The following RGS7 variants were observed in gnomAD, a reference collection of about 807,000 sequenced individuals.
RGS7 encodes regulator of G protein signaling 7.
In RGS7, 27 loss-of-function variants were observed where a neutral mutation model predicts 81.1. The ratio of observed to expected loss-of-function variants is 0.33; its 90% CI spans 0.25 to 0.46. RGS7 has a LOEUF of 0.46. RGS7 is among the 20% of genes least tolerant of loss of function. RGS7 has a pLI of 1.00. For missense variants in RGS7, 396 were observed against 607.4 expected (o/e 0.65, Z 3.66); for synonymous variants, 208 against 207.7 (o/e 1.00, Z -0.01).
intron 10 of RGS7, among the ~76,000 whole-genome samples, chr1:240,819,863 A>G (rs1047730011): frequency 6.6e-6 from 1 of 152,196 alleles, no homozygotes; most frequent in Non-Finnish European, 1.5e-5. Flanking sequence ...CAGAGTTTCC[A>G]TTTCTTGTCT....
At chr1:240,964,679 C>T (rs12240236) in intron 4 of RGS7, among the ~76,000 whole-genome samples, 3,865 of 152,188 alleles carry the variant, frequency 0.025, 124 homozygotes, top group African/African-American at 0.077. Flanking sequence ...ATTTATTAAA[C>T]GCATCACAGT....
chr1:240,802,503 T>C (rs1223130305), intron 16 of RGS7, among the ~76,000 whole-genome samples: 1 of 152,180 alleles, frequency 6.6e-6, no homozygotes, highest in African/African-American at 2.4e-5. Context: ...CTTTCAGTTA[T>C]GAGGCCTGTG....
chr1:240,935,183 C>G (rs1238290614), intron 5 of RGS7, among the ~76,000 whole-genome samples: 1 of 152,042 alleles, frequency 6.6e-6, no homozygotes, highest in African/African-American at 2.4e-5. Context: ...CAGGCATGAG[C>G]CACTGTGCCC....
At chr1:240,816,665 G>A (rs1690853614) in intron 10 of RGS7, among the ~76,000 whole-genome samples, 1 of 152,176 alleles carries the variant, frequency 6.6e-6, no homozygotes, top group Non-Finnish European at 1.5e-5. Flanking sequence ...AGAGAGCAAG[G>A]TGCATGTGAT....
At chr1:241,110,596 A>T (rs956165041) in intron 2 of RGS7, among the ~76,000 whole-genome samples, 6 of 152,104 alleles carry the variant, frequency 3.9e-5, no homozygotes, top group Admixed American at 3.9e-4. Context: ...AAAAAAGTCA[A>T]AGGGCTCTTG....
At chr1:241,344,470 A>G (rs1432142862) in intron 2 of RGS7, among the ~76,000 whole-genome samples, 1 of 152,236 alleles carries the variant, frequency 6.6e-6, no homozygotes, top group Non-Finnish European at 1.5e-5. Context: ...CAAGCTTTAC[A>G]TGCACTGTTC....
chr1:240,990,357 G>A (rs1572148955), intron 3 of RGS7, among the ~76,000 whole-genome samples: 2 of 152,226 alleles, frequency 1.3e-5, no homozygotes, highest in South Asian at 2.1e-4. Context: ...TGAATGAAAC[G>A]AATATGTTAT....
At chr1:240,817,394 G>T (rs1259561211) in intron 10 of RGS7, among the ~76,000 whole-genome samples, 4 of 152,144 alleles carry the variant, frequency 2.6e-5, no homozygotes, top group African/African-American at 4.8e-5. Flanking sequence ...AATTAGATGA[G>T]GTTAGATCCA....
intron 3 of RGS7, among the ~76,000 whole-genome samples, chr1:241,081,754 T>C (rs2063146455): frequency 6.6e-6 from 1 of 152,208 alleles, no homozygotes; most frequent in Admixed American, 6.6e-5. Flanking sequence ...GGCACAGTGA[T>C]ATATGTTGCA....
intron 18 of RGS7, among the ~76,000 whole-genome samples, chr1:240,799,951 GGAA>G (rs1687765209): frequency 6.6e-6 from 1 of 152,098 alleles, no homozygotes; most frequent in South Asian, 2.1e-4. Flanking sequence ...ATATGATGTT[GGAA>G]GAAGGACAAC....
chr1:241,343,921 T>C (rs1378247733), intron 2 of RGS7, among the ~76,000 whole-genome samples: 2 of 152,128 alleles, frequency 1.3e-5, no homozygotes, highest in Non-Finnish European at 2.9e-5. Flanking sequence ...TTTGTGTAAA[T>C]ATGAAAAGAA....
At chr1:240,978,586 G>A (rs1399755524) in intron 4 of RGS7, among the ~76,000 whole-genome samples, 1 of 152,062 alleles carries the variant, frequency 6.6e-6, no homozygotes, top group Non-Finnish European at 1.5e-5. Flanking sequence ...AACTTAATCT[G>A]GAAGAGAGAA....
chr1:241,331,157 A>G (rs2081953963), intron 2 of RGS7, among the ~76,000 whole-genome samples: 1 of 152,208 alleles, frequency 6.6e-6, no homozygotes, highest in African/African-American at 2.4e-5. Flanking sequence ...AAAATGGAAG[A>G]AAGTCTAATT....
chr1:240,890,220 T>C (rs1476529251), intron 6 of RGS7, among the ~76,000 whole-genome samples: 1 of 152,178 alleles, frequency 6.6e-6, no homozygotes, highest in Non-Finnish European at 1.5e-5. Flanking sequence ...TGGCGCAATC[T>C]CGGCTCACTG....
rs2073235374 is a variant in RGS7, at chr1:241,198,317, A to T, written c.79-99555T>A. Among the ~76,000 whole-genome samples the T allele has an allele frequency of 2.6e-5, 4 of 152,168 alleles. No homozygotes were observed. The South Asian group carries it at 8.3e-4, about 32-fold the overall frequency. ...CAAAGAGCAAATTAAATGCAAATAA[A>T]GTGAAAACTAGAAAACAATAAAAAA... is the stretch of plus-strand genomic sequence containing the variant. On this transcript the variant is annotated intron_variant, in intron 2 of 18. Coordinates refer to ENST00000440928, the MANE Select transcript of RGS7 (RefSeq NM_001364886.1).
chr1:241,255,235 G>A (rs1326294002), intron 2 of RGS7, among the ~76,000 whole-genome samples: 1 of 152,148 alleles, frequency 6.6e-6, no homozygotes. Flanking sequence ...CCTAATTTAT[G>A]AGGTATAAAT....
intron 2 of RGS7, among the ~76,000 whole-genome samples, chr1:241,209,249 G>A (rs2074104995): frequency 6.6e-6 from 1 of 152,148 alleles, no homozygotes; most frequent in Non-Finnish European, 1.5e-5. Context: ...TTATCTATGT[G>A]TGATAACGCT....
At chr1:241,180,306 C>T (rs1281649749) in intron 2 of RGS7, among the ~76,000 whole-genome samples, 1 of 151,884 alleles carries the variant, frequency 6.6e-6, no homozygotes, top group Non-Finnish European at 1.5e-5. Context: ...ACCCGGGAGG[C>T]GGAGATTGCA....
At chr1:240,889,723 A>C (rs1667972535) in intron 6 of RGS7, among the ~76,000 whole-genome samples, 1 of 152,186 alleles carries the variant, frequency 6.6e-6, no homozygotes, top group Admixed American at 6.5e-5. Context: ...TTGTTGTTCC[A>C]AATCAGCCCA....
Sources: allele counts gnomAD v4.1 joint callset (sites outside exome capture counted in the v4.1 genomes callset), GRCh38; gene constraint gnomAD v4.1.1; transcripts MANE v1.5; gene names NCBI Gene and HGNC (gene_info 2026-07-23, HGNC 2026-07-21).